The following FCAMR variants were observed in gnomAD, a reference collection of about 807,000 sequenced individuals.
The protein encoded by FCAMR is Fc alpha and mu receptor, also known as high affinity immunoglobulin alpha and immunoglobulin mu Fc receptor.
Under a neutral mutation model 52.2 loss-of-function variants are expected in FCAMR, and 51 were observed. That is an observed-to-expected ratio of 0.98 (90% confidence interval 0.78 to 1.23). FCAMR has a LOEUF of 1.23. Among genes scored for constraint, FCAMR ranks in the 50% most tolerant of loss-of-function variants. FCAMR has a pLI of 0.00. For missense variants in FCAMR, 719 were observed against 712.6 expected (o/e 1.01, Z -0.10); for synonymous variants, 282 against 262.0 (o/e 1.08, Z -0.74).
At chr1:206,969,212 G>A (rs1202638505) in intron 1 of FCAMR, 1 of 430,848 alleles carries the variant, frequency 2.3e-6, no homozygotes, top group Non-Finnish European at 4.7e-6. Context: ...TGGGGCCAAA[G>A]TCTCTGCATC....
intron 1 of FCAMR, 33 bp downstream of exon 1, chr1:206,970,054 G>T: frequency 6.2e-7 from 1 of 1,613,764 alleles, no homozygotes; most frequent in Non-Finnish European, 8.5e-7. Context: ...TCAGAGGCAA[G>T]ATCCCAACCT....
At chr1:206,968,760 A>C (rs1334676860) in intron 1 of FCAMR, among the ~76,000 whole-genome samples, 1 of 152,136 alleles carries the variant, frequency 6.6e-6, no homozygotes, top group Non-Finnish European at 1.5e-5. Context: ...GAAAGAAGGG[A>C]AAAGGGAAGA....
At chr1:206,963,035 A>G (rs1680571790) in intron 4 of FCAMR, among the ~76,000 whole-genome samples, 1 of 150,088 alleles carries the variant, frequency 6.7e-6, no homozygotes, top group Non-Finnish European at 1.5e-5. Context: ...CCCTTTCAGG[A>G]CAACAGTGAT....
intron 7 of FCAMR, 168 bp from the exon 8 acceptor site, chr1:206,958,844 G>A: frequency 1.2e-6 from 1 of 808,990 alleles, no homozygotes. Context: ...ATAGGGCTTG[G>A]ACTTCGGGGC....
intron 6 of FCAMR, 25 bp downstream of exon 6, chr1:206,960,397 A>G: frequency 6.8e-7 from 1 of 1,464,902 alleles, no homozygotes; most frequent in South Asian, 1.5e-5. Context: ...GGGCCCCCCA[A>G]CCGGGAGAAG....
In FCAMR at chr1:206,960,618, T is replaced by A. The variant is rs1433316705; in HGVS notation, c.1258A>T (p.Thr420Ser). ...AAGATCCACACATCTGCAGCTGGAG[T>A]TCCCAAGGTCCACATGCCTGCAGCT... ...TPAAGMWTLG[T>S]PAADVWILGT... The change falls in exon 6 of 8, where the codon ACT becomes TCT. Residue 420 changes from threonine (T) to serine (S), a missense_variant. Coordinates refer to ENST00000324852, the MANE Select transcript of FCAMR (RefSeq NM_001170631.2). 6.4e-7 allele frequency: 1 copy of A among 1,551,798 alleles called. No individual in the cohort carries two copies. The highest frequency in any genetic ancestry group is 1.4e-5 in the African/African-American group (1 of 73,152).
In FCAMR at chr1:206,958,670, T is replaced by A. The variant is rs781094828; in HGVS notation, c.1580A>T (p.Glu527Val). The A allele has an allele frequency of 8.7e-6, 14 of 1,613,934 alleles. No homozygotes were observed. The highest frequency in any genetic ancestry group is 1.7e-6 in the Non-Finnish European group (2 of 1,180,024). ...RKLWRRRTSQ[E>V]AERVTLIQMT... Reference sequence around the variant, plus strand: ...CTGAATTAAGGTGACCCTTTCTGCCTCCTGAGCTGCAGAGACACAGAGCAG... The same window carrying A: ...CTGAATTAAGGTGACCCTTTCTGCCACCTGAGCTGCAGAGACACAGAGCAG... The change falls in exon 8 of 8, where the codon GAG becomes GTG. Residue 527 changes from glutamate (E) to valine (V), a missense_variant. Coordinates refer to ENST00000324852, the MANE Select transcript of FCAMR (RefSeq NM_001170631.2).
Position 206,958,519 on chromosome 1 carries a change from G to C in FCAMR, c.1731C>G (p.Pro577=), listed in dbSNP as rs747677778. Reference sequence around the variant, plus strand: ...GAGCAGTTCATCTCTCTGTCCCTCAGGGTCCTGGATTTCTCTCTGGGGCAG... The same window carrying C: ...GAGCAGTTCATCTCTCTGTCCCTCACGGTCCTGGATTTCTCTCTGGGGCAG... ...SLTAPERNPG[P] Residue 577 remains proline (P), a synonymous_variant, in exon 8 of 8, where the codon CCC becomes CCG. Coordinates refer to ENST00000324852, the MANE Select transcript of FCAMR (RefSeq NM_001170631.2). The C allele has an allele frequency of 8.7e-6, 14 of 1,611,380 alleles. No individual in the cohort carries two copies. The East Asian group carries it at 2.9e-4, about 33-fold the overall frequency.
chr1:206,958,718 A>G (rs1000748260), intron 7 of FCAMR, 42 bp from the exon 8 acceptor site: 9 of 1,613,146 alleles, frequency 5.6e-6, no homozygotes, highest in Non-Finnish European at 6.8e-6. Context: ...CTGGGTAAGG[A>G]CAGCACTGAC....
At chr1:206,958,847 T>C in intron 7 of FCAMR, 171 bp from the exon 8 acceptor site, 2 of 792,242 alleles carry the variant, frequency 2.5e-6, no homozygotes, top group Non-Finnish European at 4.3e-6. Flanking sequence ...GGGCTTGGAC[T>C]TCGGGGCCTG....
Position 206,958,486 on chromosome 1 carries a change from T to A in FCAMR, c.*30A>T. ...GCCTTTGATCTTGGTCCTTCTCCCATGGTAACTGAGCAGTTCATCTCTCTG... is the reference window on the plus strand; with the variant it reads ...GCCTTTGATCTTGGTCCTTCTCCCAAGGTAACTGAGCAGTTCATCTCTCTG... On this transcript the variant is annotated 3_prime_UTR_variant, in exon 8 of 8. Transcript: ENST00000324852. 6.3e-7 allele frequency: 1 copy of A among 1,588,134 alleles called. No homozygotes were observed. Among genetic ancestry groups the A allele is most frequent in the Non-Finnish European group, 8.6e-7 (1 of 1,165,966 alleles).
At chr1:206,959,437 A>G (rs1408828864) in intron 7 of FCAMR, among the ~76,000 whole-genome samples, 1 of 150,824 alleles carries the variant, frequency 6.6e-6, no homozygotes, top group East Asian at 2.0e-4. Context: ...AGATCACACC[A>G]TTGCACTCCA....
chr1:206,968,620 T>C (rs1210482717), intron 1 of FCAMR, among the ~76,000 whole-genome samples: 1 of 152,076 alleles, frequency 6.6e-6, no homozygotes, highest in Non-Finnish European at 1.5e-5. Flanking sequence ...GTTTAAGCCA[T>C]GCAAAACCAC....
intron 5 of FCAMR, 123 bp downstream of exon 5, chr1:206,962,090 C>G: frequency 2.1e-6 from 2 of 971,866 alleles, no homozygotes; most frequent in Non-Finnish European, 3.0e-6. Context: ...TTGCCTTGCC[C>G]CAGCTTTTCA....
At chr1:206,968,020 G>C (rs1044238111) in intron 1 of FCAMR, among the ~76,000 whole-genome samples, 9 of 152,194 alleles carry the variant, frequency 5.9e-5, no homozygotes, top group Non-Finnish European at 1.2e-4. Flanking sequence ...CTACACAATG[G>C]TCTTTTACCG....
chr1:206,964,024 C>G (rs1414289661), intron 4 of FCAMR, among the ~76,000 whole-genome samples: 1 of 152,156 alleles, frequency 6.6e-6, no homozygotes, highest in Non-Finnish European at 1.5e-5. Flanking sequence ...GTCAGAAGAA[C>G]CTGGGACAAA....
rs777275812 is a variant in FCAMR at position 206,965,862 on chromosome 1, C to A, written c.170-4G>T. 3 of 1,607,290 alleles carry A rather than the reference C, an allele frequency of 1.9e-6. No homozygotes were observed. The East Asian group carries it at 6.8e-5, about 36-fold the overall frequency. ...TGTGGAAGGGCGAAAGAAGAACCTG[C>A]AGCAAAGGAAGGAGATGGGTCATCA... is the stretch of plus-strand genomic sequence containing the variant. On this transcript the variant is annotated splice_region_variant and splice_polypyrimidine_tract_variant and intron_variant, in intron 3 of 7. Transcript: ENST00000324852.
chr1:206,961,004 G>A lies in FCAMR; in HGVS notation c.872C>T (p.Ala291Val), dbSNP rs761835621. Residue 291 changes from alanine (A) to valine (V), a missense_variant, in exon 6 of 8, where the codon GCT becomes GTT. Coordinates refer to ENST00000324852, the MANE Select transcript of FCAMR (RefSeq NM_001170631.2). ...RRTPGATRPA[A>V]PGTGSWAEGS... Reference sequence around the variant, plus strand: ...CTCTGCCCAGCTGCCTGTCCCTGGAGCTGCTGGCCTGGTTGCTCCTGGGGT... The same window carrying A: ...CTCTGCCCAGCTGCCTGTCCCTGGAACTGCTGGCCTGGTTGCTCCTGGGGT... 2 of 1,551,934 alleles carry A rather than the reference G, an allele frequency of 1.3e-6. No homozygotes were observed. Among genetic ancestry groups the A allele is most frequent in the South Asian group, 2.4e-5 (2 of 84,064 alleles).
At position 206,965,727 on chromosome 1, in the gene FCAMR, T is replaced by C; in HGVS notation, c.301A>G (p.Ser101Gly). 6.4e-7 allele frequency: 1 copy of C among 1,572,086 alleles called. No homozygotes were observed. ...GTAGGGGTTGTACCTGCAAAGGAGC[T>C]CTCCTCCCGCCAGCAGAGGGGCGAG... ...PSSPLCWREE[S>G]SFAAPNSLKG... The change falls in exon 4 of 8, where the codon AGC becomes GGC. Residue 101 changes from serine to glycine, a missense_variant. Physicochemically the swap from Ser to Gly is moderately conservative, Grantham distance 56. Coordinates refer to ENST00000324852, the MANE Select transcript of FCAMR (RefSeq NM_001170631.2).
Sources: allele counts gnomAD v4.1 joint callset (sites outside exome capture counted in the v4.1 genomes callset), GRCh38; gene constraint gnomAD v4.1.1; transcripts MANE v1.5; gene names NCBI Gene and HGNC (gene_info 2026-07-23, HGNC 2026-07-21).